The following NCOR1 variants were observed in gnomAD, a reference collection of about 807,000 sequenced individuals.
The protein encoded by NCOR1 is nuclear receptor corepressor 1, also known as protein phosphatase 1, regulatory subunit 109.
Under a neutral mutation model 288.1 loss-of-function variants are expected in NCOR1, and 63 were observed. The ratio of observed to expected loss-of-function variants is 0.22; its 90% confidence interval spans 0.18 to 0.27. The LOEUF (loss-of-function observed/expected upper bound fraction) is 0.27, where lower values mean the gene tolerates loss of function less well. NCOR1 is among the 10% of genes least tolerant of loss of function. The probability of loss-of-function intolerance (pLI) is 1.00; values close to 1 mark genes in which losing one functional copy is unlikely to be tolerated. For synonymous variants in NCOR1, 1,007 were observed against 1,065.9 expected, an observed-to-expected ratio of 0.94 and a Z score of 1.08; for missense variants, 2,397 against 3,019.2, an observed-to-expected ratio of 0.79 and a Z score of 4.83.
intron 21 of NCOR1, among the ~76,000 whole-genome samples, chr17:16,092,693 ATATTTTTT>A (rs1357238339): frequency 2.0e-3 from 26 of 12,754 alleles, no homozygotes; most frequent in Non-Finnish European, 3.1e-3. Context: ...ATATATATAT[ATATTTTTT>A]TTTTTTTTTT....
chr17:16,210,051 T>C (rs2091970451), intron 1 of NCOR1, among the ~76,000 whole-genome samples: 1 of 151,548 alleles, frequency 6.6e-6, no homozygotes, highest in African/African-American at 2.4e-5. Context: ...AGTCTGAGAG[T>C]AGGCAAAACA....
chr17:16,164,363 A>G lies in NCOR1; in HGVS notation c.618+616T>C, dbSNP rs551343864. Reference sequence around the variant, plus strand: ...CTTCTATACACATATCTGACAAGGGACTTCAGGAAATCCTAAAAATTTCAA... The same window carrying G: ...CTTCTATACACATATCTGACAAGGGGCTTCAGGAAATCCTAAAAATTTCAA... On this transcript the variant is annotated intron_variant, in intron 5 of 45. Transcript: ENST00000268712. 1.2e-4 allele frequency among the ~76,000 whole-genome samples: 18 copies of G among 152,294 alleles called. No individual in the cohort carries two copies. In the East Asian group the frequency reaches 3.5e-3, roughly 29 times the overall value.
intron 18 of NCOR1, among the ~76,000 whole-genome samples, chr17:16,112,858 A>G (rs1334492079): frequency 1.3e-5 from 2 of 152,124 alleles, no homozygotes; most frequent in African/African-American, 2.4e-5. Flanking sequence ...AACTAAAACT[A>G]AGAAAACTTC....
In NCOR1 at chr17:16,064,964, T is replaced by A. The variant is rs1348711258; in HGVS notation, c.5007A>T (p.Gly1669=). The part of the protein sequence containing the change: ...PPTILVPHPG[G]TSTPPMDRIT... The stretch of plus-strand genomic sequence containing the variant: ...TTCTGTCCATGGGAGGAGTGCTTGT[T>A]CCCCCTGGATGAGGCACTAAAATTG... The change falls in exon 34 of 46, where the codon GGA becomes GGT. Residue 1669 remains glycine (G), a synonymous_variant. Transcript: ENST00000268712. 6.2e-7 allele frequency: 1 copy of A among 1,613,830 alleles called. No individual in the cohort carries two copies. The highest frequency in any genetic ancestry group is 8.5e-7 in the Non-Finnish European group (1 of 1,179,790).
chr17:16,080,834 A>T (rs1567889858), intron 23 of NCOR1, 107 bp from the exon 24 acceptor site: 1 of 1,033,582 alleles, frequency 9.7e-7, no homozygotes, highest in Non-Finnish European at 1.4e-6. Context: ...AAAAAAAAAA[A>T]TTATACCCCT....
At position 16,215,425 on chromosome 17, in the gene NCOR1, G is replaced by T. The variant is rs900769712; in HGVS notation, c.-134C>A. ...GCCTGAGGAGTGGGACGCGGCCACG[G>T]CGCGCGGCCCTACACCGGGACCTCG... On this transcript the variant is annotated 5_prime_UTR_variant, in exon 1 of 46. Transcript: ENST00000268712. 22 of 396,554 alleles carry T rather than the reference G, an allele frequency of 5.5e-5. No individual in the cohort carries two copies. The East Asian group carries it at 7.2e-4, about 13-fold the overall frequency. 24.6% of individuals were successfully genotyped at this position (396,554 alleles called of 1,614,324 possible).
At chr17:16,161,132 C>A (rs766091995) in intron 5 of NCOR1, among the ~76,000 whole-genome samples, 6 of 151,862 alleles carry the variant, frequency 4.0e-5, no homozygotes, top group Non-Finnish European at 7.4e-5. Context: ...CTTTTAGAAT[C>A]CTTGTTAAGG....
chr17:16,098,386 G>A lies in NCOR1; in HGVS notation c.2801C>T (p.Ala934Val), dbSNP rs2152973692. The A allele has an allele frequency of 6.2e-7, 1 of 1,613,940 alleles. No individual in the cohort carries two copies. The highest frequency in any genetic ancestry group is 8.5e-7 in the Non-Finnish European group (1 of 1,179,986). ...ACTTACCATTGGTGGGATAACAGCA[G>A]CTCGATGCTGAAGCTGTGGCAGATC... is the stretch of plus-strand genomic sequence containing the variant. ...PLDLPQLQHR[A>V]AVIPPMVSCT... Residue 934 changes from alanine to valine, a missense_variant, in exon 21 of 46, where the codon GCT (alanine) becomes GTT (valine). Physicochemically the swap from Ala to Val is moderately conservative, Grantham distance 64. This residue lies in a region of NCOR1 where 1,872 missense variants were observed against 2,187.8 expected (regional missense o/e 0.86). Transcript: ENST00000268712.
At chr17:16,153,443 C>G (rs1383227408) in intron 6 of NCOR1, 48 bp from the exon 7 acceptor site, 1 of 1,224,270 alleles carries the variant, frequency 8.2e-7, no homozygotes, top group Non-Finnish European at 1.2e-6. Flanking sequence ...ATTACATTAT[C>G]TAAGTGCAAA....
intron 20 of NCOR1, among the ~76,000 whole-genome samples, chr17:16,100,346 G>T (rs1002707704): frequency 1.3e-5 from 2 of 152,026 alleles, no homozygotes; most frequent in Non-Finnish European, 2.9e-5. Context: ...AATGACTAAA[G>T]CTACCTGTAA....
At chr17:16,209,250 T>G (rs988972191) in intron 1 of NCOR1, among the ~76,000 whole-genome samples, 1 of 151,334 alleles carries the variant, frequency 6.6e-6, no homozygotes, top group Non-Finnish European at 1.5e-5. Context: ...TGTAGTAGAG[T>G]TTGGAAGAGT....
At position 16,065,695 on chromosome 17, in the gene NCOR1, C is replaced by T; in HGVS notation, c.4742-1G>A. On this transcript the variant is annotated splice_acceptor_variant, in intron 32 of 45. Transcript: ENST00000268712. LOFTEE classifies it high-confidence loss of function. ...CTCTGAAACAGGTAAGCAGCCGCTG[C>T]TGATTGAGAGAATGAAAGAAAGGCA... The T allele has an allele frequency of 3.7e-6, 6 of 1,613,998 alleles. No homozygotes were observed. The highest frequency in any genetic ancestry group is 5.1e-6 in the Non-Finnish European group (6 of 1,179,886).
chr17:16,037,314 T>C (rs140768103), intron 44 of NCOR1, among the ~76,000 whole-genome samples: 217 of 152,092 alleles, frequency 1.4e-3, no homozygotes, highest in African/African-American at 4.9e-3. Flanking sequence ...ATTGTGAGAA[T>C]TACCAAAATA....
chr17:16,047,694 TA>T (rs11355408), intron 41 of NCOR1, among the ~76,000 whole-genome samples: 90,305 of 151,606 alleles, frequency 0.6, 27,710 homozygotes, highest in African/African-American at 0.72. Flanking sequence ...CTAACACATT[TA>T]AAAAAAAACA....
At chr17:16,213,111 A>G (rs527647020) in intron 1 of NCOR1, among the ~76,000 whole-genome samples, 61 of 151,908 alleles carry the variant, frequency 4.0e-4, no homozygotes, top group Admixed American at 2.0e-3. Flanking sequence ...AATCTTTCCT[A>G]TAAGTTAATT....
chr17:16,167,823 G>A (rs2082302641), intron 4 of NCOR1, among the ~76,000 whole-genome samples: 1 of 126,106 alleles, frequency 7.9e-6, no homozygotes, highest in African/African-American at 3.0e-5. Flanking sequence ...TGGCACCACT[G>A]CACTCCAACC....
At chr17:16,127,578 CATATGTGT>C (rs2074766241) in intron 14 of NCOR1, among the ~76,000 whole-genome samples, 1 of 132,862 alleles carries the variant, frequency 7.5e-6, no homozygotes. Flanking sequence ...TGTATATATA[CATATGTGT>C]ATATATGTAT....
intron 20 of NCOR1, among the ~76,000 whole-genome samples, chr17:16,100,368 C>T (rs1035604425): frequency 2.6e-5 from 4 of 152,222 alleles, no homozygotes; most frequent in Admixed American, 1.3e-4. Flanking sequence ...CTGCAGGGAG[C>T]GGTGGCTCAT....
intron 3 of NCOR1, among the ~76,000 whole-genome samples, chr17:16,181,501 G>C (rs914486230): frequency 1.3e-5 from 2 of 151,938 alleles, no homozygotes; most frequent in Admixed American, 6.6e-5. Context: ...AATAGCAGAT[G>C]TGTGGGATGA....
Sources: gnomAD v4.1 joint callset for allele counts (sites outside exome capture counted in the v4.1 genomes callset) on GRCh38, gnomAD v4.1.1 for gene constraint, gnomAD v4.1.1 regional missense constraint, MANE v1.5 for transcripts, NCBI Gene and HGNC (gene_info 2026-07-23, HGNC 2026-07-21) for gene names.